Variants in IGF1 observed in about 807,000 individuals in gnomAD.
IGF1 encodes the protein insulin like growth factor 1.
A neutral mutation model predicts 13.8 loss-of-function variants in IGF1; 4 were observed. The ratio of observed to expected loss-of-function variants is 0.29; its 90% confidence interval spans 0.14 to 0.66. IGF1 has a LOEUF of 0.66. Among genes scored for constraint, IGF1 ranks in the 30% least tolerant of loss-of-function variants. The pLI, the probability that IGF1 is intolerant of heterozygous loss-of-function variation, is 0.78. For missense variants in IGF1, 124 were observed against 188.5 expected (o/e 0.66, Z 2.00); for synonymous variants, 76 against 72.6 (o/e 1.05, Z -0.23).
intron 2 of IGF1, among the ~76,000 whole-genome samples, chr12:102,438,044 A>G (rs765970322): frequency 6.6e-6 from 1 of 152,214 alleles, no homozygotes; most frequent in Non-Finnish European, 1.5e-5. Context: ...TAGGAGGCAT[A>G]TCAACCCTCT....
rs1441045695 is a variant in IGF1, at chr12:102,396,041, A to G, written c.*6466T>C. On this transcript the variant is annotated 3_prime_UTR_variant, in exon 4 of 4. Transcript: ENST00000337514. The stretch of plus-strand genomic sequence containing the variant: ...TCATTAGGATTGATATTCCTCTGCC[A>G]TAAGTGAATTGAATAATAATTTCAA... 6.6e-6 allele frequency: 1 copy of G among 152,238 alleles called. No homozygotes were observed. The highest frequency in any genetic ancestry group is 1.5e-5 in the Non-Finnish European group (1 of 68,038). The allele number at this position is 152,238 out of a possible 1,614,324, so 9.4% of individuals were successfully genotyped here.
intron 2 of IGF1, among the ~76,000 whole-genome samples, chr12:102,460,704 G>A (rs1056089250): frequency 6.6e-6 from 1 of 152,168 alleles, no homozygotes; most frequent in Non-Finnish European, 1.5e-5. Flanking sequence ...TTCTGGAAAA[G>A]GTATTAGAGA....
chr12:102,474,353 C>CTAT, intron 2 of IGF1, among the ~76,000 whole-genome samples: 1 of 152,178 alleles, frequency 6.6e-6, no homozygotes, highest in Admixed American at 6.5e-5. Context: ...GGGAATTTGC[C>CTAT]TATTCAAATA....
chr12:102,451,857 G>A (rs897730493), intron 2 of IGF1, among the ~76,000 whole-genome samples: 6 of 152,076 alleles, frequency 3.9e-5, no homozygotes, highest in Non-Finnish European at 7.4e-5. Context: ...TGGAGCATGG[G>A]GGTGGTTTCC....
At chr12:102,427,476 C>G (rs1159353139) in intron 2 of IGF1, among the ~76,000 whole-genome samples, 1 of 152,172 alleles carries the variant, frequency 6.6e-6, no homozygotes, top group Non-Finnish European at 1.5e-5. Context: ...TAAAGTCTTT[C>G]ATTTCTTTTT....
At chr12:102,455,054 C>A (rs1357777384) in intron 2 of IGF1, among the ~76,000 whole-genome samples, 1 of 152,230 alleles carries the variant, frequency 6.6e-6, no homozygotes, top group Non-Finnish European at 1.5e-5. Context: ...TGGCCCCAGC[C>A]ACCCACCGTG....
rs66536957 is a variant in IGF1, at chr12:102,415,256, T to TCATC, written c.402+4249_402+4252dup. Among the ~76,000 whole-genome samples, 1,216 of 148,548 alleles carry TCATC rather than the reference T, an allele frequency of 8.2e-3. 14 individuals are homozygous for TCATC. The highest frequency in any genetic ancestry group is 0.023 in the African/African-American group (919 of 40,172). On this transcript the variant is annotated intron_variant, in intron 3 of 3. Coordinates refer to ENST00000337514, the MANE Select transcript of IGF1 (RefSeq NM_000618.5). ...CTCATTTGTCCATCCAACCATCCAT[T>TCATC]CATCCATCCATCCATCCATCCATCC...
At chr12:102,473,051 T>A (rs1880786217) in intron 2 of IGF1, among the ~76,000 whole-genome samples, 1 of 152,162 alleles carries the variant, frequency 6.6e-6, no homozygotes, top group Admixed American at 6.5e-5. Flanking sequence ...TTCAATTCAA[T>A]TCAATCCTGT....
chr12:102,409,159 T>C (rs2136959505), intron 3 of IGF1, among the ~76,000 whole-genome samples: 1 of 152,310 alleles, frequency 6.6e-6, no homozygotes, highest in South Asian at 2.1e-4. Flanking sequence ...TAACCCTCAG[T>C]CATTTACCTG....
intron 3 of IGF1, among the ~76,000 whole-genome samples, chr12:102,409,104 G>T (rs967437642): frequency 2.0e-5 from 3 of 152,170 alleles, no homozygotes; most frequent in African/African-American, 4.8e-5. Context: ...ATGAAAGTGT[G>T]GGGTAAGAGC....
chr12:102,450,745 A>G (rs1878850147), intron 2 of IGF1, among the ~76,000 whole-genome samples: 1 of 152,234 alleles, frequency 6.6e-6, no homozygotes, highest in Non-Finnish European at 1.5e-5. Context: ...ATACAATAAT[A>G]TACTTCCATC....
chr12:102,409,469 C>T (rs1371905667), intron 3 of IGF1, among the ~76,000 whole-genome samples: 2 of 152,168 alleles, frequency 1.3e-5, no homozygotes, highest in African/African-American at 2.4e-5. Flanking sequence ...GAATTTCCTG[C>T]AGGAATGATG....
At chr12:102,450,397 A>T (rs1277784483) in intron 2 of IGF1, among the ~76,000 whole-genome samples, 3 of 152,236 alleles carry the variant, frequency 2.0e-5, no homozygotes, top group Admixed American at 2.0e-4. Context: ...TTTGTGAAGC[A>T]TCTCTTGCTC....
At chr12:102,478,785 A>G (rs1566012017) in intron 1 of IGF1, 3 of 513,324 alleles carry the variant, frequency 5.8e-6, no homozygotes, top group Non-Finnish European at 9.2e-6. Context: ...CAGCCCAGAT[A>G]GTGACCCAAG....
chr12:102,466,407 G>C (rs1004153307), intron 2 of IGF1, among the ~76,000 whole-genome samples: 2 of 152,246 alleles, frequency 1.3e-5, no homozygotes, highest in East Asian at 3.9e-4. Flanking sequence ...CATTCTTGAT[G>C]GTCGTGACTG....
At chr12:102,479,554 G>C (rs1357365683) in intron 1 of IGF1, among the ~76,000 whole-genome samples, 1 of 152,206 alleles carries the variant, frequency 6.6e-6, no homozygotes, top group Non-Finnish European at 1.5e-5. Flanking sequence ...TATAAAATCA[G>C]AGTTTTATAA....
At chr12:102,459,705 A>G (rs1011313035) in intron 2 of IGF1, among the ~76,000 whole-genome samples, 11 of 152,168 alleles carry the variant, frequency 7.2e-5, no homozygotes, top group South Asian at 2.1e-4. Context: ...GATGATGTCT[A>G]AATTTTTGAA....
chr12:102,433,792 A>G (rs1020533032), intron 2 of IGF1, among the ~76,000 whole-genome samples: 9 of 152,192 alleles, frequency 5.9e-5, no homozygotes, highest in Admixed American at 2.0e-4. Context: ...TGGAAAGAAG[A>G]AACCTAACAC....
intron 2 of IGF1, among the ~76,000 whole-genome samples, chr12:102,456,071 G>A (rs1489276891): frequency 2.0e-5 from 3 of 152,122 alleles, no homozygotes; most frequent in African/African-American, 7.2e-5. Flanking sequence ...ATATGTACAT[G>A]GTAATTTGGT....
Sources: gnomAD v4.1 joint callset for allele counts (sites outside exome capture counted in the v4.1 genomes callset) on GRCh38, gnomAD v4.1.1 for gene constraint, MANE v1.5 for transcripts, NCBI Gene and HGNC (gene_info 2026-07-23, HGNC 2026-07-21) for gene names.